CELF6: variants seen among roughly 807,000 people sequenced by gnomAD.
CELF6 encodes Bruno -like 6, RNA binding protein.
CELF6 carries 32 observed loss-of-function variants against 53.1 expected under a neutral mutation model. The observed-to-expected ratio is 0.60, with a 90% CI of 0.46 to 0.81. The LOEUF (loss-of-function observed/expected upper bound fraction) is 0.81. Ranked by LOEUF, CELF6 falls within the 30% of genes least tolerant of loss-of-function variation. The pLI, the probability that CELF6 is intolerant of heterozygous loss-of-function variation, is 0.00. For synonymous variants in CELF6, 291 were observed against 288.8 expected, an observed-to-expected ratio of 1.01 and a Z score of -0.08; for missense variants, 539 against 669.5, an observed-to-expected ratio of 0.81 and a Z score of 2.15.
In CELF6 at chr15:72,289,126, CG is replaced by C. The variant is rs2087964164; in HGVS notation, c.1030+11del. The C allele has an allele frequency of 4.6e-6, 7 of 1,511,636 alleles. No homozygotes were observed. Among genetic ancestry groups the C allele is most frequent in the Non-Finnish European group, 3.5e-6 (4 of 1,136,964 alleles). The allele number at this position is 1,511,636 out of a possible 1,614,324, so 93.6% of individuals were successfully genotyped here. A position where few individuals can be genotyped will look rare whatever the true frequency, so the allele number is the denominator to read the frequency against. On this transcript the variant is annotated intron_variant, in intron 8 of 12. Coordinates refer to ENST00000287202, the MANE Select transcript of CELF6 (RefSeq NM_052840.5). The surrounding 1 kb of genome is among the most constrained non-coding windows in gnomAD (Gnocchi z 7.6). ...CCATTTCGGGGGGATTTGGGCGGAGCGGGGGGCCCACCTGGATAAGGGGAGA... is the reference window on the plus strand; with the variant it reads ...CCATTTCGGGGGGATTTGGGCGGAGCGGGGGCCCACCTGGATAAGGGGAGA...
Position 72,288,859 on chromosome 15 carries a change from A to G in CELF6, c.1093+9T>C. On this transcript the variant is annotated intron_variant, in intron 9 of 12. Coordinates refer to ENST00000287202, the MANE Select transcript of CELF6 (RefSeq NM_052840.5). This position sits in a 1 kb window ranked among gnomAD's most constrained non-coding sequence, Gnocchi z 4.6. ...AACCTCCCCCAGGCCGCGTAGCGCC[A>G]AGTGAAACCTGCGTAGTGGTGCATC... 1 of 1,550,594 alleles carries G rather than the reference A, an allele frequency of 6.4e-7. No homozygotes were observed. Among genetic ancestry groups the G allele is most frequent in the South Asian group, 1.2e-5 (1 of 84,074 alleles).
intron 2 of CELF6, among the ~76,000 whole-genome samples, chr15:72,310,165 T>G (rs965158390): frequency 2.0e-5 from 3 of 152,076 alleles, no homozygotes; most frequent in Admixed American, 2.0e-4. Flanking sequence ...ACTCACACCC[T>G]CAGCACTCCC....
At chr15:72,308,199 A>G (rs146004377) in intron 2 of CELF6, among the ~76,000 whole-genome samples, 52 of 151,856 alleles carry the variant, frequency 3.4e-4, no homozygotes, top group African/African-American at 1.1e-3. Flanking sequence ...CTTAGTAGAT[A>G]CCTCAGATAT....
chr15:72,289,504 G>A lies in CELF6; in HGVS notation c.751C>T (p.Leu251=). ...GACGAYTTAI[L]QHQAALLAAA... ...GCCAGCAGGGCCGCCTGGTGCTGCAGGATCTTTGAGAGGAAAGATGGGCGA... is the reference window on the plus strand; with the variant it reads ...GCCAGCAGGGCCGCCTGGTGCTGCAAGATCTTTGAGAGGAAAGATGGGCGA... Residue 251 remains leucine, a synonymous_variant, in exon 7 of 13, where the codon CTG becomes TTG. Coordinates refer to ENST00000287202, the MANE Select transcript of CELF6 (RefSeq NM_052840.5). The surrounding 1 kb of genome is among the most constrained non-coding windows in gnomAD (Gnocchi z 7.6). The A allele has an allele frequency of 6.6e-7, 1 of 1,515,154 alleles. No homozygotes were observed. Among genetic ancestry groups the A allele is most frequent in the Non-Finnish European group, 8.8e-7 (1 of 1,136,614 alleles). 93.9% of individuals were successfully genotyped at this position (1,515,154 alleles called of 1,614,324 possible). A position where few individuals can be genotyped will look rare whatever the true frequency, so the allele number is the denominator to read the frequency against.
chr15:72,286,762 C>T (rs2087927837), intron 12 of CELF6, among the ~76,000 whole-genome samples: 1 of 152,226 alleles, frequency 6.6e-6, no homozygotes, highest in Non-Finnish European at 1.5e-5. Context: ...GCTTCTCTTC[C>T]TCCATCTCCA....
At chr15:72,304,282 C>T (rs1030611698) in intron 3 of CELF6, among the ~76,000 whole-genome samples, 20 of 152,206 alleles carry the variant, frequency 1.3e-4, no homozygotes, top group African/African-American at 4.3e-4. Context: ...TAAAGTCTGT[C>T]GTACCAGCCT....
intron 12 of CELF6, 90 bp downstream of exon 12, chr15:72,287,147 G>C (rs2087932683): frequency 8.2e-7 from 1 of 1,217,520 alleles, no homozygotes; most frequent in Admixed American, 2.3e-5. Context: ...TCAGAGGTGG[G>C]TGCCTCCAAG....
At chr15:72,304,824 C>T in intron 2 of CELF6, 30 bp from the exon 3 acceptor site, 1 of 1,612,556 alleles carries the variant, frequency 6.2e-7, no homozygotes, top group Non-Finnish European at 8.5e-7. Context: ...CACACCCATT[C>T]AGCGTGACTG....
At position 72,289,459 on chromosome 15, in the gene CELF6, G is replaced by A; in HGVS notation, c.796C>T (p.Leu266=). The A allele has an allele frequency of 1.3e-6, 2 of 1,538,364 alleles. No homozygotes were observed. The highest frequency in any genetic ancestry group is 2.4e-5 in the South Asian group (2 of 84,304). The part of the protein sequence containing the change: ...ALLAAAQGPG[L]GPVAAVAAQM... ...GCCGCCACTGCCGCCACCGGGCCTAGGCCTGGGCCCTGTGCCGCCGCCAGC... is the reference window on the plus strand; with the variant it reads ...GCCGCCACTGCCGCCACCGGGCCTAAGCCTGGGCCCTGTGCCGCCGCCAGC... The change falls in exon 7 of 13, where the codon CTA becomes TTA. Residue 266 remains leucine (L), a synonymous_variant. Transcript: ENST00000287202. The surrounding 1 kb of genome is among the most constrained non-coding windows in gnomAD (Gnocchi z 7.6).
chr15:72,313,046 G>A (rs1180161246), intron 2 of CELF6, among the ~76,000 whole-genome samples: 1 of 152,226 alleles, frequency 6.6e-6, no homozygotes, highest in Non-Finnish European at 1.5e-5. Context: ...AGGAAGCCAG[G>A]CCATGTTGGA....
At chr15:72,294,745 A>C (rs377308560) in intron 3 of CELF6, among the ~76,000 whole-genome samples, 1 of 152,142 alleles carries the variant, frequency 6.6e-6, no homozygotes, top group South Asian at 2.1e-4. Flanking sequence ...TGGGAGGCCA[A>C]CGTGGGTGGA....
chr15:72,293,656 T>A (rs1210648489), intron 3 of CELF6, among the ~76,000 whole-genome samples: 1 of 151,938 alleles, frequency 6.6e-6, no homozygotes, highest in Admixed American at 6.6e-5. Context: ...CATTTTCCTG[T>A]TGGCAACCGA....
At chr15:72,317,664 T>C (rs1304480573) in intron 1 of CELF6, among the ~76,000 whole-genome samples, 1 of 152,160 alleles carries the variant, frequency 6.6e-6, no homozygotes, top group East Asian at 1.9e-4. Flanking sequence ...TTGGAGACCC[T>C]CTACAATCAT....
rs751451607 is a variant in CELF6 at position 72,289,229 on chromosome 15, G to A, written c.939C>T (p.Ile313=). The change falls in exon 8 of 13, where the codon ATC becomes ATT. Residue 313 remains isoleucine (I), a synonymous_variant. Transcript: ENST00000287202. The surrounding 1 kb of genome is among the most constrained non-coding windows in gnomAD (Gnocchi z 7.6). ...PGTLPGLPAP[I]GVNGFGPLTP... is the part of the protein sequence containing the mutation. ...TCAGAGGGCCGAATCCATTGACCCC[G>A]ATGGGCGCCGGAAGACCTGGGAGGG... 7 of 1,575,762 alleles carry A rather than the reference G, an allele frequency of 4.4e-6. No individual in the cohort carries two copies. In the South Asian group the frequency reaches 7.0e-5, roughly 16 times the overall value.
rs1249093195 is a variant in CELF6, at chr15:72,289,639, G to A, written c.735C>T (p.Ala245=). ...GCCCGGTACCTACCGCCGTGGTGTA[G>A]GCGCCGCAGGCCCCTAGCGGCAGTG... ...PAPLPLGACG[A]YTTAILQHQA... The change falls in exon 6 of 13, where the codon GCC becomes GCT. Residue 245 remains alanine, a synonymous_variant. Transcript: ENST00000287202. The surrounding 1 kb of genome is among the most constrained non-coding windows in gnomAD (Gnocchi z 7.6). 11 of 1,503,042 alleles carry A rather than the reference G, an allele frequency of 7.3e-6. No homozygotes were observed. The highest frequency in any genetic ancestry group is 9.7e-6 in the Non-Finnish European group (11 of 1,134,676). The allele number at this position is 1,503,042 out of a possible 1,614,324, so 93.1% of individuals were successfully genotyped here.
intron 3 of CELF6, chr15:72,292,278 G>A: frequency 1.3e-6 from 2 of 1,528,944 alleles, no homozygotes; most frequent in Non-Finnish European, 1.8e-6. Context: ...GAGAAGACAG[G>A]AAAGGTCTTT....
At chr15:72,314,964 C>G (rs536362795) in intron 2 of CELF6, among the ~76,000 whole-genome samples, 1 of 152,284 alleles carries the variant, frequency 6.6e-6, no homozygotes, top group South Asian at 2.1e-4. Flanking sequence ...GCCCTATCTC[C>G]TCCAGTTAAA....
chr15:72,290,917 T>C (rs2087997420), intron 3 of CELF6, among the ~76,000 whole-genome samples: 1 of 152,154 alleles, frequency 6.6e-6, no homozygotes, highest in Admixed American at 6.5e-5. Flanking sequence ...CTTGGTTTCC[T>C]GAGCCTCCAA....
At chr15:72,293,006 G>A (rs1301540923) in intron 3 of CELF6, among the ~76,000 whole-genome samples, 2 of 152,184 alleles carry the variant, frequency 1.3e-5, no homozygotes, top group Non-Finnish European at 2.9e-5. Flanking sequence ...CAGCCTGGGC[G>A]ACAGAGTGAG....
Sources: allele counts gnomAD v4.1 joint callset (sites outside exome capture counted in the v4.1 genomes callset), GRCh38; gene constraint gnomAD v4.1.1; non-coding constraint Gnocchi (gnomAD v3.1); transcripts MANE v1.5; gene names NCBI Gene and HGNC (gene_info 2026-07-23, HGNC 2026-07-21).